The following RBM47 variants were observed in gnomAD, a reference collection of about 807,000 sequenced individuals.
The protein encoded by RBM47 is RNA-binding protein 47.
In RBM47, 21 loss-of-function variants were observed where a neutral mutation model predicts 47.1. The observed-to-expected ratio is 0.45, with a 90% CI of 0.32 to 0.64. The LOEUF is 0.64. RBM47 is among the 30% of genes least tolerant of loss of function. RBM47 has a pLI of 0.05. For synonymous variants in RBM47, 375 were observed against 361.7 expected (o/e 1.04, Z -0.42); for missense variants, 708 against 870.9 (o/e 0.81, Z 2.35).
intron 2 of RBM47, among the ~76,000 whole-genome samples, chr4:40,492,807 A>G (rs1388947512): frequency 6.6e-6 from 1 of 152,004 alleles, no homozygotes; most frequent in East Asian, 1.9e-4. Flanking sequence ...ACGCGCACAC[A>G]CGAGTGTGCA....
At chr4:40,520,167 G>A (rs1726061676) in intron 2 of RBM47, among the ~76,000 whole-genome samples, 1 of 152,004 alleles carries the variant, frequency 6.6e-6, no homozygotes, top group African/African-American at 2.4e-5. Context: ...AACCCTGTAG[G>A]TTGTATTAGA....
chr4:40,466,778 G>GC (rs1373529092), intron 2 of RBM47, 79 bp from the exon 3 acceptor site: 1 of 111,414 alleles, frequency 9.0e-6, no homozygotes, highest in East Asian at 3.2e-4. Context: ...AATTGGGGGG[G>GC]GGGGGGCAGA....
At position 40,606,942 on chromosome 4, in the gene RBM47, C is replaced by A. The variant is rs1173369410; in HGVS notation, c.-240+22454G>T. Among the ~76,000 whole-genome samples the A allele has an allele frequency of 3.3e-5, 5 of 152,140 alleles. No individual in the cohort carries two copies. In the East Asian group the frequency reaches 5.8e-4, roughly 18 times the overall value. On this transcript the variant is annotated intron_variant, in intron 1 of 6. Transcript: ENST00000295971. ...AGGCTGCAGTGAACTATTATTGTGTCACTCTACTCCAGCCTGGGCAACTGA... is the reference window on the plus strand; with the variant it reads ...AGGCTGCAGTGAACTATTATTGTGTAACTCTACTCCAGCCTGGGCAACTGA...
At chr4:40,620,830 G>A (rs560637037) in intron 1 of RBM47, among the ~76,000 whole-genome samples, 4 of 151,874 alleles carry the variant, frequency 2.6e-5, no homozygotes, top group South Asian at 2.1e-4. Flanking sequence ...CACTGCACCC[G>A]GCCCCCCTAT....
At chr4:40,582,742 C>T (rs1733076363) in intron 1 of RBM47, among the ~76,000 whole-genome samples, 2 of 152,156 alleles carry the variant, frequency 1.3e-5, no homozygotes, top group South Asian at 2.1e-4. Context: ...ACTGAGCCCT[C>T]TACCTGTTTC....
Position 40,432,372 on chromosome 4 carries a change from T to TA in RBM47, c.1542+278dup, listed in dbSNP as rs1036475994. On this transcript the variant is annotated intron_variant, in intron 6 of 6. Transcript: ENST00000295971. Reference sequence around the variant, plus strand: ...AGCTAAAAATTATCCAGTGCTATTTTAAAAAAATATATGCACAATATTATG... The same window carrying TA: ...AGCTAAAAATTATCCAGTGCTATTTTAAAAAAAATATATGCACAATATTATG... Among the ~76,000 whole-genome samples, 7 of 152,082 alleles carry TA rather than the reference T, an allele frequency of 4.6e-5. No homozygotes were observed. In the East Asian group the frequency reaches 7.7e-4, roughly 17 times the overall value.
chr4:40,553,114 C>T (rs1188068059), intron 1 of RBM47, among the ~76,000 whole-genome samples: 3 of 149,406 alleles, frequency 2.0e-5, no homozygotes, highest in South Asian at 2.1e-4. Flanking sequence ...ACTACAGGCA[C>T]GCGCCACCAC....
intron 1 of RBM47, among the ~76,000 whole-genome samples, chr4:40,594,829 G>C (rs1247909657): frequency 1.3e-5 from 2 of 151,988 alleles, no homozygotes; most frequent in East Asian, 3.9e-4. Context: ...TCTCTACCTT[G>C]ATTTTTTACC....
At chr4:40,553,713 C>A (rs1166331600) in intron 1 of RBM47, among the ~76,000 whole-genome samples, 1 of 152,150 alleles carries the variant, frequency 6.6e-6, no homozygotes, top group African/African-American at 2.4e-5. Flanking sequence ...AACGCAGGGT[C>A]TAGCACTAGT....
intron 3 of RBM47, among the ~76,000 whole-genome samples, chr4:40,440,072 T>C (rs544677506): frequency 1.1e-4 from 17 of 152,320 alleles, no homozygotes; most frequent in Non-Finnish European, 1.9e-4. Flanking sequence ...TTCTAAATTA[T>C]GCAATAAGAT....
At chr4:40,593,881 C>T (rs1429653250) in intron 1 of RBM47, among the ~76,000 whole-genome samples, 1 of 97,194 alleles carries the variant, frequency 1.0e-5, no homozygotes, top group African/African-American at 4.3e-5. Context: ...GAGACTCTGT[C>T]TCAAAAAAAA....
intron 2 of RBM47, among the ~76,000 whole-genome samples, chr4:40,484,279 T>A (rs1720801061): frequency 6.6e-6 from 1 of 152,210 alleles, no homozygotes; most frequent in Non-Finnish European, 1.5e-5. Flanking sequence ...CTGTAACATA[T>A]ATGACTTTGA....
At chr4:40,509,487 AAC>A (rs1324526817) in intron 2 of RBM47, among the ~76,000 whole-genome samples, 2 of 152,040 alleles carry the variant, frequency 1.3e-5, no homozygotes, top group Non-Finnish European at 2.9e-5. Flanking sequence ...CTTTAATCCC[AAC>A]AGTTTGGGTG....
At chr4:40,616,903 T>G (rs1279843895) in intron 1 of RBM47, among the ~76,000 whole-genome samples, 1 of 132,104 alleles carries the variant, frequency 7.6e-6, no homozygotes, top group Non-Finnish European at 1.6e-5. Flanking sequence ...TGAGACAGAG[T>G]CTTGCTCTGT....
At chr4:40,503,397 C>G (rs1723661287) in intron 2 of RBM47, among the ~76,000 whole-genome samples, 1 of 152,024 alleles carries the variant, frequency 6.6e-6, no homozygotes, top group Non-Finnish European at 1.5e-5. Context: ...TAAGGGAGGA[C>G]AAGAGTGAAA....
intron 2 of RBM47, among the ~76,000 whole-genome samples, chr4:40,541,488 G>A (rs13134314): frequency 2.0e-5 from 3 of 152,158 alleles, no homozygotes; most frequent in South Asian, 2.1e-4. Flanking sequence ...TGTAATCCCA[G>A]CACTTTGGGC....
chr4:40,440,627 C>T (rs1329041372), intron 3 of RBM47, among the ~76,000 whole-genome samples: 1 of 152,164 alleles, frequency 6.6e-6, no homozygotes, highest in Non-Finnish European at 1.5e-5. Context: ...GCTCTAATAT[C>T]AAGCGGCAGT....
At chr4:40,458,072 T>G (rs1438586523) in intron 3 of RBM47, among the ~76,000 whole-genome samples, 2 of 152,268 alleles carry the variant, frequency 1.3e-5, no homozygotes, top group Non-Finnish European at 2.9e-5. Flanking sequence ...AATTTGAAAC[T>G]ATATTAGTAG....
chr4:40,612,372 T>G (rs1418867623), intron 1 of RBM47, among the ~76,000 whole-genome samples: 4 of 152,172 alleles, frequency 2.6e-5, no homozygotes, highest in Non-Finnish European at 5.9e-5. Context: ...AATAGCCACG[T>G]GTAGTGGCAC....
Sources: allele counts gnomAD v4.1 joint callset (sites outside exome capture counted in the v4.1 genomes callset), GRCh38; gene constraint gnomAD v4.1.1; transcripts MANE v1.5; gene names NCBI Gene and HGNC (gene_info 2026-07-23, HGNC 2026-07-21).